Variants in CCDC6 observed in about 807,000 individuals in gnomAD.
CCDC6 encodes the protein coiled-coil domain-containing protein 6.
Under a neutral mutation model 56.6 loss-of-function variants are expected in CCDC6, and 20 were observed. That is an observed-to-expected ratio of 0.35 (90% CI 0.25 to 0.51). The LOEUF is 0.51. CCDC6 is among the 20% of genes least tolerant of loss of function. CCDC6 has a pLI of 0.95. For missense variants in CCDC6, 367 were observed against 601.1 expected (o/e 0.61, Z 4.07); for synonymous variants, 241 against 234.4 (o/e 1.03, Z -0.26).
chr10:59,858,954 T>A (rs972252373), intron 1 of CCDC6, among the ~76,000 whole-genome samples: 2 of 152,166 alleles, frequency 1.3e-5, no homozygotes, highest in Non-Finnish European at 2.9e-5. Flanking sequence ...TTTGTCCAGC[T>A]ATATGACCCT....
Position 59,788,986 on chromosome 10 carries a change from A to C in CCDC6, c.*3931T>G, listed in dbSNP as rs1420897733. 1 of 219,028 alleles carries C rather than the reference A, an allele frequency of 4.6e-6. No individual in the cohort carries two copies. Among genetic ancestry groups the C allele is most frequent in the Non-Finnish European group, 9.2e-6 (1 of 109,184 alleles). The allele number at this position is 219,028 out of a possible 1,614,324, so 13.6% of individuals were successfully genotyped here. A position where few individuals can be genotyped will look rare whatever the true frequency, so the allele number is the denominator to read the frequency against. ...GTGTGCACAGATATGCAGAGGCAAAAGGCATGCTAGCGCTTGGCTCTCCTC... is the reference window on the plus strand; with the variant it reads ...GTGTGCACAGATATGCAGAGGCAAACGGCATGCTAGCGCTTGGCTCTCCTC... On this transcript the variant is annotated 3_prime_UTR_variant, in exon 9 of 9. Coordinates refer to ENST00000263102, the MANE Select transcript of CCDC6 (RefSeq NM_005436.5).
intron 5 of CCDC6, among the ~76,000 whole-genome samples, chr10:59,807,626 G>A (rs942801568): frequency 6.6e-6 from 1 of 152,222 alleles, no homozygotes. Flanking sequence ...GTGTTGGCAG[G>A]TTAGGCATCG....
intron 3 of CCDC6, among the ~76,000 whole-genome samples, chr10:59,824,381 G>A (rs912852034): frequency 1.3e-5 from 2 of 152,120 alleles, no homozygotes; most frequent in African/African-American, 4.8e-5. Context: ...ATTGACCCTA[G>A]TTTTCTCACT....
intron 1 of CCDC6, among the ~76,000 whole-genome samples, chr10:59,853,943 T>C (rs888957529): frequency 3.3e-5 from 5 of 152,186 alleles, no homozygotes; most frequent in Admixed American, 1.3e-4. Context: ...TTGAAGGAAA[T>C]TAATCTTTTG....
intron 6 of CCDC6, 89 bp from the exon 7 acceptor site, chr10:59,804,609 C>A: frequency 7.9e-6 from 6 of 759,548 alleles, no homozygotes; most frequent in Admixed American, 6.0e-5. Context: ...GGGGTTCACA[C>A]CTTGAGGTCA....
intron 1 of CCDC6, among the ~76,000 whole-genome samples, chr10:59,876,704 T>C (rs969797505): frequency 5.9e-5 from 9 of 151,832 alleles, no homozygotes; most frequent in African/African-American, 2.2e-4. Flanking sequence ...GAATAAAATA[T>C]TAGCAGCATG....
At chr10:59,805,445 G>A (rs1306333042) in intron 6 of CCDC6, 2 of 152,178 alleles carry the variant, frequency 1.3e-5, no homozygotes, top group African/African-American at 4.8e-5. Flanking sequence ...CAAACTTTCT[G>A]AAATGAATAC....
At chr10:59,891,083 C>T (rs561835388) in intron 1 of CCDC6, among the ~76,000 whole-genome samples, 8 of 152,252 alleles carry the variant, frequency 5.3e-5, no homozygotes, top group Admixed American at 2.0e-4. Flanking sequence ...CAGTTAAATT[C>T]GAATTTCAGA....
At chr10:59,885,862 A>G (rs1471444435) in intron 1 of CCDC6, among the ~76,000 whole-genome samples, 1 of 150,916 alleles carries the variant, frequency 6.6e-6, no homozygotes, top group Non-Finnish European at 1.5e-5. Flanking sequence ...GATTTATCAC[A>G]GCTTCAATTC....
intron 1 of CCDC6, among the ~76,000 whole-genome samples, chr10:59,862,504 T>TAG: frequency 1.6e-5 from 1 of 61,618 alleles, no homozygotes; most frequent in African/African-American, 9.8e-5. Flanking sequence ...AAAAAAAGTA[T>TAG]ATATATATAT....
At chr10:59,822,093 T>C (rs1007737697) in intron 3 of CCDC6, among the ~76,000 whole-genome samples, 3 of 152,236 alleles carry the variant, frequency 2.0e-5, no homozygotes, top group Non-Finnish European at 2.9e-5. Flanking sequence ...AGCTCAGTTA[T>C]TTGGAAGATA....
intron 1 of CCDC6, among the ~76,000 whole-genome samples, chr10:59,875,643 C>G (rs2071272872): frequency 6.6e-6 from 1 of 152,176 alleles, no homozygotes; most frequent in African/African-American, 2.4e-5. Context: ...GTTTAATTCT[C>G]TAGTTACAAC....
intron 3 of CCDC6, among the ~76,000 whole-genome samples, chr10:59,821,435 G>A (rs903304671): frequency 6.6e-6 from 1 of 152,108 alleles, no homozygotes; most frequent in Non-Finnish European, 1.5e-5. Flanking sequence ...TTCTCCTAAG[G>A]TGGAAGACAT....
At chr10:59,886,704 G>A (rs1318663951) in intron 1 of CCDC6, among the ~76,000 whole-genome samples, 1 of 152,144 alleles carries the variant, frequency 6.6e-6, no homozygotes, top group East Asian at 1.9e-4. Flanking sequence ...AAAGACAATT[G>A]ACAGGTGGGA....
At chr10:59,815,272 C>T (rs2070701905) in intron 3 of CCDC6, among the ~76,000 whole-genome samples, 1 of 152,106 alleles carries the variant, frequency 6.6e-6, no homozygotes, top group Non-Finnish European at 1.5e-5. Context: ...AACACCAAAT[C>T]CACAATACTG....
intron 1 of CCDC6, among the ~76,000 whole-genome samples, chr10:59,863,310 T>C (rs1031931247): frequency 3.3e-5 from 5 of 152,248 alleles, no homozygotes; most frequent in Non-Finnish European, 5.9e-5. Flanking sequence ...TATGGTCCAC[T>C]TTTGTTTGAA....
intron 1 of CCDC6, among the ~76,000 whole-genome samples, chr10:59,885,403 C>G (rs1564757310): frequency 6.6e-6 from 1 of 152,154 alleles, no homozygotes; most frequent in Non-Finnish European, 1.5e-5. Context: ...AAAGAAAGTT[C>G]TAGACTGGCA....
intron 1 of CCDC6, among the ~76,000 whole-genome samples, chr10:59,855,154 T>C (rs2071071434): frequency 1.3e-5 from 2 of 152,332 alleles, no homozygotes; most frequent in East Asian, 1.9e-4. Context: ...TTGTGAGAAG[T>C]TGAAAATCAA....
chr10:59,795,970 G>A (rs10821598), intron 7 of CCDC6, among the ~76,000 whole-genome samples: 33 of 152,110 alleles, frequency 2.2e-4, no homozygotes, highest in Middle Eastern at 3.4e-3. Flanking sequence ...AGCATGATTT[G>A]TAGTCCTTTG....
Sources: gnomAD v4.1 joint callset for allele counts (sites outside exome capture counted in the v4.1 genomes callset) on GRCh38, gnomAD v4.1.1 for gene constraint, MANE v1.5 for transcripts, NCBI Gene and HGNC (gene_info 2026-07-23, HGNC 2026-07-21) for gene names.